Variants in DDAH1 observed in about 807,000 individuals in gnomAD.
DDAH1 encodes dimethylarginine dimethylaminohydrolase 1, also known as N(G),N(G)-dimethylarginine dimethylaminohydrolase 1.
DDAH1 carries 19 observed loss-of-function variants against 28.8 expected under a neutral mutation model. The observed-to-expected ratio is 0.66, with a 90% CI of 0.46 to 0.97. DDAH1 has a LOEUF of 0.97. Ranked by LOEUF, DDAH1 falls within the 50% of genes least tolerant of loss-of-function variation. DDAH1 has a pLI of 0.00. For missense variants in DDAH1, 326 were observed against 375.9 expected (o/e 0.87, Z 1.10); for synonymous variants, 153 against 154.4 (o/e 0.99, Z 0.07).
intron 1 of DDAH1, among the ~76,000 whole-genome samples, chr1:85,560,910 A>G (rs1659121051): frequency 6.6e-6 from 1 of 152,156 alleles, no homozygotes; most frequent in Admixed American, 6.5e-5. Context: ...GAAAGTAAAC[A>G]AATTAATGAG....
rs112133642 is a variant in DDAH1, at chr1:85,402,351, C to T, written c.304-43504G>A. ...CTGCCTCCAATTTCTTTCTTCTAGC[C>T]AGGGTCTAAGTGTGAATGCTTTTCT... On this transcript the variant is annotated intron_variant, in intron 1 of 5. Transcript: ENST00000284031. Among the ~76,000 whole-genome samples, 1,068 of 152,098 alleles carry T rather than the reference C, an allele frequency of 7.0e-3. 12 individuals carry two copies. The highest frequency in any genetic ancestry group is 0.025 in the African/African-American group (1,018 of 41,494).
At chr1:85,339,433 C>T (rs1212163825) in intron 4 of DDAH1, among the ~76,000 whole-genome samples, 5 of 151,978 alleles carry the variant, frequency 3.3e-5, no homozygotes, top group South Asian at 2.1e-4. Context: ...CCAACAGCAG[C>T]AACAGAACCA....
chr1:85,557,691 A>T (rs111376639), intron 1 of DDAH1, among the ~76,000 whole-genome samples: 13 of 152,296 alleles, frequency 8.5e-5, no homozygotes, highest in African/African-American at 2.9e-4. Flanking sequence ...TCAGAATGTG[A>T]TTGTATTTGG....
At chr1:85,491,399 C>T (rs1270120947) in intron 2 of DDAH1, among the ~76,000 whole-genome samples, 1 of 152,170 alleles carries the variant, frequency 6.6e-6, no homozygotes, top group East Asian at 1.9e-4. Flanking sequence ...GGATTGTTTT[C>T]AAACTGCAGA....
chr1:85,325,228 A>T (rs547409863), intron 4 of DDAH1, among the ~76,000 whole-genome samples: 1 of 152,318 alleles, frequency 6.6e-6, no homozygotes, highest in South Asian at 2.1e-4. Context: ...AGGGGTTTTG[A>T]TATCTTTGGC....
intron 1 of DDAH1, among the ~76,000 whole-genome samples, chr1:85,453,759 T>A (rs1481728025): frequency 6.6e-6 from 1 of 152,216 alleles, no homozygotes; most frequent in Non-Finnish European, 1.5e-5. Flanking sequence ...AAACTAAATT[T>A]TCTTTGGATT....
At chr1:85,483,987 C>G (rs531747489) in intron 2 of DDAH1, among the ~76,000 whole-genome samples, 1 of 152,140 alleles carries the variant, frequency 6.6e-6, no homozygotes, top group South Asian at 2.1e-4. Flanking sequence ...GTTTTAACCC[C>G]AGGAGGGAAA....
At chr1:85,466,816 T>G (rs1210937447), upstream of DDAH1, among the ~76,000 whole-genome samples, 1 of 146,348 alleles carries the variant, frequency 6.8e-6, no homozygotes, top group East Asian at 2.0e-4. Context: ...ATTTTTAAAT[T>G]AGTTCATTAT....
Position 85,333,714 on chromosome 1 carries a change from T to A in DDAH1, c.598-8831A>T, listed in dbSNP as rs563785204. Among the ~76,000 whole-genome samples, 21 of 151,752 alleles carry A rather than the reference T, an allele frequency of 1.4e-4. No individual in the cohort carries two copies. In the East Asian group the frequency reaches 2.9e-3, roughly 21 times the overall value. On this transcript the variant is annotated intron_variant, in intron 4 of 5. Transcript: ENST00000284031. ...AAATGCAATGAGAACTTCAACAGGA[T>A]ACTAAATCAAGAAGAATTTCAGAAC...
chr1:85,439,362 C>T (rs1313450019), intron 1 of DDAH1, among the ~76,000 whole-genome samples: 3 of 152,224 alleles, frequency 2.0e-5, no homozygotes, highest in African/African-American at 7.2e-5. Flanking sequence ...ACATCCTAAA[C>T]TGAGTAACAT....
chr1:85,463,710 AT>A (rs1655225623), intron 1 of DDAH1, among the ~76,000 whole-genome samples: 2 of 152,366 alleles, frequency 1.3e-5, no homozygotes, highest in South Asian at 4.1e-4. Flanking sequence ...GGCATTTCCA[AT>A]GTGAAGTGAA....
intron 1 of DDAH1, among the ~76,000 whole-genome samples, chr1:85,382,215 G>A (rs552009954): frequency 2.6e-5 from 4 of 152,296 alleles, no homozygotes; most frequent in Admixed American, 6.5e-5. Context: ...GTGAACACAC[G>A]ACTAATAAGA....
intron 1 of DDAH1, among the ~76,000 whole-genome samples, chr1:85,512,239 A>T (rs200537961): frequency 6.6e-6 from 1 of 151,918 alleles, no homozygotes; most frequent in Admixed American, 6.6e-5. Context: ...ACAGAACCAA[A>T]GACAAAAACC....
At chr1:85,510,537 T>C (rs983581487) in intron 1 of DDAH1, among the ~76,000 whole-genome samples, 2 of 152,086 alleles carry the variant, frequency 1.3e-5, no homozygotes, top group Non-Finnish European at 2.9e-5. Context: ...ATGCCCCAAT[T>C]AAAAGACACA....
chr1:85,363,485 C>A lies in DDAH1; in HGVS notation c.304-4638G>T, dbSNP rs550878202. 8.1e-4 allele frequency among the ~76,000 whole-genome samples: 124 copies of A among 152,296 alleles called. 1 individual carries two copies. The Middle Eastern group carries it at 0.01, about 13-fold the overall frequency. ...CTTTAAAATTATAGAATCATTCTAC[C>A]CCTACACTTGTCTAGCTCCAGAGAG... On this transcript the variant is annotated intron_variant, in intron 1 of 5. Transcript: ENST00000284031.
intron 1 of DDAH1, among the ~76,000 whole-genome samples, chr1:85,412,891 CT>C (rs1652723474): frequency 6.6e-6 from 1 of 152,092 alleles, no homozygotes; most frequent in African/African-American, 2.4e-5. Context: ...GACCCATCTA[CT>C]TGGGAGACTG....
intron 1 of DDAH1, among the ~76,000 whole-genome samples, chr1:85,405,779 T>C (rs565448443): frequency 2.0e-5 from 3 of 152,348 alleles, no homozygotes; most frequent in Admixed American, 2.0e-4. Context: ...ACAAATGTTT[T>C]GTTTCTCTGC....
At chr1:85,553,178 C>T (rs80322172) in intron 1 of DDAH1, among the ~76,000 whole-genome samples, 10,936 of 152,100 alleles carry the variant, frequency 0.072, 467 homozygotes, top group East Asian at 0.16. Flanking sequence ...ACCTTAGAAC[C>T]GCTCAGCCAG....
Position 85,464,657 on chromosome 1 carries a change from G to A in DDAH1, c.303+86C>T, listed in dbSNP as rs926518211. 1.2e-5 allele frequency: 17 copies of A among 1,466,366 alleles called. No homozygotes were observed. The Admixed American group carries it at 1.2e-4, about 10-fold the overall frequency. 90.8% of individuals were successfully genotyped at this position (1,466,366 alleles called of 1,614,324 possible). A position where few individuals can be genotyped will look rare whatever the true frequency, so the allele number is the denominator to read the frequency against. On this transcript the variant is annotated intron_variant, in intron 1 of 5. Coordinates refer to ENST00000284031, the MANE Select transcript of DDAH1 (RefSeq NM_012137.4). The surrounding 1 kb of genome is among the most constrained non-coding windows in gnomAD (Gnocchi z 4.4). ...GTGAACTACTAGCCCGAGGGCCAATGGCGCGACTCCCCAGGCAACACGGCG... is the reference window on the plus strand; with the variant it reads ...GTGAACTACTAGCCCGAGGGCCAATAGCGCGACTCCCCAGGCAACACGGCG...
Sources: gnomAD v4.1 joint callset for allele counts (sites outside exome capture counted in the v4.1 genomes callset) on GRCh38, gnomAD v4.1.1 for gene constraint, Gnocchi (gnomAD v3.1) non-coding constraint, MANE v1.5 for transcripts, NCBI Gene and HGNC (gene_info 2026-07-23, HGNC 2026-07-21) for gene names.